Variants in PGM5 observed in about 807,000 individuals in gnomAD.
The protein encoded by PGM5 is phosphoglucomutase-like protein 5.
Under a neutral mutation model 59.2 loss-of-function variants are expected in PGM5, and 23 were observed. The ratio of observed to expected loss-of-function variants is 0.39; its 90% CI spans 0.28 to 0.55. The LOEUF is 0.55. Among genes scored for constraint, PGM5 ranks in the 20% least tolerant of loss-of-function variants. The pLI is 0.66. For missense variants in PGM5, 574 were observed against 748.3 expected, an observed-to-expected ratio of 0.77 and a Z score of 2.72; for synonymous variants, 214 against 286.0, an observed-to-expected ratio of 0.75 and a Z score of 2.54.
intron 6 of PGM5, among the ~76,000 whole-genome samples, chr9:68,418,271 G>A (rs1383748555): frequency 6.6e-6 from 1 of 152,164 alleles, no homozygotes; most frequent in Non-Finnish European, 1.5e-5. Flanking sequence ...GAATGTTGTT[G>A]TATTTACTCT....
At chr9:68,502,477 A>G (rs1824592100) in intron 10 of PGM5, among the ~76,000 whole-genome samples, 1 of 152,130 alleles carries the variant, frequency 6.6e-6, no homozygotes, top group African/African-American at 2.4e-5. Context: ...TAGTTAAGGA[A>G]CAATAGAAGA....
At chr9:68,447,779 G>A (rs1212124409) in intron 6 of PGM5, among the ~76,000 whole-genome samples, 1 of 152,192 alleles carries the variant, frequency 6.6e-6, no homozygotes, top group Non-Finnish European at 1.5e-5. Context: ...ATCTTGGCAT[G>A]ATTCAGTGTA....
At chr9:68,456,153 G>T (rs1448703562) in intron 6 of PGM5, among the ~76,000 whole-genome samples, 3 of 152,290 alleles carry the variant, frequency 2.0e-5, no homozygotes, top group African/African-American at 7.2e-5. Flanking sequence ...GGATTATAGG[G>T]CATGATCAAG....
At chr9:68,375,836 A>T (rs1554677576) in intron 1 of PGM5, among the ~76,000 whole-genome samples, 1 of 152,254 alleles carries the variant, frequency 6.6e-6, no homozygotes, top group African/African-American at 2.4e-5. Context: ...ATTAGCTTAC[A>T]TTGAAACAGA....
chr9:68,440,990 T>C (rs1374538445), intron 6 of PGM5, among the ~76,000 whole-genome samples: 1 of 152,020 alleles, frequency 6.6e-6, no homozygotes, highest in Non-Finnish European at 1.5e-5. Context: ...GTAGACCCTT[T>C]AGACTTTAAA....
chr9:68,450,936 A>G (rs916843452), intron 6 of PGM5, among the ~76,000 whole-genome samples: 2 of 152,252 alleles, frequency 1.3e-5, no homozygotes, highest in South Asian at 2.1e-4. Context: ...GTAGAACCTT[A>G]TGAAAGCAAA....
intron 6 of PGM5, among the ~76,000 whole-genome samples, chr9:68,446,430 A>G (rs1184655055): frequency 1.3e-5 from 2 of 152,248 alleles, no homozygotes; most frequent in East Asian, 3.8e-4. Context: ...TATAGCCTCT[A>G]ACAACATGGG....
intron 8 of PGM5, among the ~76,000 whole-genome samples, chr9:68,482,882 T>C (rs1824220876): frequency 6.6e-6 from 1 of 152,246 alleles, no homozygotes; most frequent in Admixed American, 6.5e-5. Context: ...CAATGACAAA[T>C]GCAATTGGTA....
At chr9:68,490,517 G>A (rs1554687811) in intron 9 of PGM5, among the ~76,000 whole-genome samples, 2 of 152,056 alleles carry the variant, frequency 1.3e-5, no homozygotes, top group Admixed American at 1.3e-4. Flanking sequence ...ACCATACCCG[G>A]CTAATTTTTG....
At chr9:68,479,627 G>A (rs987027449) in intron 8 of PGM5, 74 bp downstream of exon 8, 267 of 1,479,702 alleles carry the variant, frequency 1.8e-4, no homozygotes, top group Non-Finnish European at 2.2e-4. Flanking sequence ...AAACTGATGG[G>A]CTAGAACCTT....
intron 6 of PGM5, among the ~76,000 whole-genome samples, chr9:68,439,716 C>CATAT (rs543306902): frequency 6.7e-5 from 10 of 148,752 alleles, no homozygotes; most frequent in Non-Finnish European, 1.3e-4. Flanking sequence ...TACACACACA[C>CATAT]ATATATATAT....
At chr9:68,522,159 G>C (rs1824908377) in intron 10 of PGM5, among the ~76,000 whole-genome samples, 1 of 152,196 alleles carries the variant, frequency 6.6e-6, no homozygotes, top group Non-Finnish European at 1.5e-5. Context: ...GGAGGCTGGG[G>C]CAGTAGAATT....
At chr9:68,362,484 A>T (rs1401171731) in intron 1 of PGM5, among the ~76,000 whole-genome samples, 1 of 152,248 alleles carries the variant, frequency 6.6e-6, no homozygotes, top group Non-Finnish European at 1.5e-5. Context: ...CCCTTTAAAG[A>T]TATAAACTAT....
At chr9:68,362,809 A>G (rs1834603713) in intron 1 of PGM5, among the ~76,000 whole-genome samples, 1 of 147,182 alleles carries the variant, frequency 6.8e-6, no homozygotes, top group African/African-American at 2.5e-5. Context: ...CATCTTCAAT[A>G]TTGGACAGAT....
chr9:68,464,548 A>T (rs1554685667), intron 6 of PGM5: 1 of 152,892 alleles, frequency 6.5e-6, no homozygotes, highest in Admixed American at 6.5e-5. Context: ...TTGGCAGAGA[A>T]CAGGGGCCAC....
At chr9:68,405,582 C>T (rs1168298662) in intron 6 of PGM5, 1 of 153,556 alleles carries the variant, frequency 6.5e-6, no homozygotes, top group Non-Finnish European at 1.5e-5. Flanking sequence ...TTCTCATCCT[C>T]TCCTCTTTAT....
At chr9:68,473,540 G>C (rs1391983302) in intron 7 of PGM5, among the ~76,000 whole-genome samples, 1 of 152,154 alleles carries the variant, frequency 6.6e-6, no homozygotes, top group Admixed American at 6.5e-5. Context: ...GTAAAAGGGG[G>C]CTATCAAATT....
chr9:68,441,923 A>T (rs1823534861), intron 6 of PGM5, among the ~76,000 whole-genome samples: 1 of 152,246 alleles, frequency 6.6e-6, no homozygotes, highest in Non-Finnish European at 1.5e-5. Flanking sequence ...TTTATATACT[A>T]TCAGTGTTCA....
intron 6 of PGM5, among the ~76,000 whole-genome samples, chr9:68,415,904 T>G (rs1260164821): frequency 6.6e-6 from 1 of 151,262 alleles, no homozygotes; most frequent in African/African-American, 2.4e-5. Flanking sequence ...TGAAATTAAT[T>G]GAATTAATCC....
Sources: allele counts gnomAD v4.1 joint callset (sites outside exome capture counted in the v4.1 genomes callset), GRCh38; gene constraint gnomAD v4.1.1; transcripts MANE v1.5; gene names NCBI Gene and HGNC (gene_info 2026-07-23, HGNC 2026-07-21).